Variants in ZNF558 observed in about 807,000 individuals in gnomAD.
The protein encoded by ZNF558 is zinc finger protein 558.
Under a neutral mutation model 37.6 loss-of-function variants are expected in ZNF558, and 23 were observed. The observed-to-expected ratio is 0.61, with a 90% CI of 0.44 to 0.87. ZNF558 has a LOEUF of 0.87. ZNF558 is among the 40% of genes least tolerant of loss of function. The pLI, the probability that ZNF558 is intolerant of heterozygous loss-of-function variation, is 0.00. For synonymous variants in ZNF558, 189 were observed against 174.4 expected (o/e 1.08, Z -0.66); for missense variants, 429 against 483.7 (o/e 0.89, Z 1.06).
At chr19:8,814,388 C>T (rs533246624) in intron 7 of ZNF558, among the ~76,000 whole-genome samples, 6 of 152,080 alleles carry the variant, frequency 3.9e-5, no homozygotes, top group South Asian at 2.1e-4. Flanking sequence ...CACACGTGAT[C>T]GACAGATGTA....
At chr19:8,830,522 T>C (rs1163369509) in intron 2 of ZNF558, among the ~76,000 whole-genome samples, 1 of 152,198 alleles carries the variant, frequency 6.6e-6, no homozygotes, top group Non-Finnish European at 1.5e-5. Context: ...AATTTTAAAT[T>C]TGTTACTAAT....
rs1555766571 is a variant in ZNF558, at chr19:8,808,401, G to T, written c.*2880C>A. 7.6e-5 allele frequency: 3 copies of T among 39,434 alleles called. No homozygotes were observed. In the African/African-American group the frequency reaches 8.0e-4, roughly 11 times the overall value. 2.4% of individuals were successfully genotyped at this position (39,434 alleles called of 1,614,324 possible). A position where few individuals can be genotyped will look rare whatever the true frequency, so the allele number is the denominator to read the frequency against. ...AAAAATATCATCTCCACATAAAAAG[G>T]AATACAGAATACCTAATCCTGTATG... On this transcript the variant is annotated 3_prime_UTR_variant, in exon 10 of 10. Transcript: ENST00000601372.
chr19:8,817,875 T>A (rs969458896), intron 7 of ZNF558, among the ~76,000 whole-genome samples: 1 of 152,158 alleles, frequency 6.6e-6, no homozygotes, highest in African/African-American at 2.4e-5. Flanking sequence ...TATAGAGTGT[T>A]CTATAATAAT....
chr19:8,826,761 G>A (rs558622311), intron 2 of ZNF558, among the ~76,000 whole-genome samples: 4 of 152,196 alleles, frequency 2.6e-5, no homozygotes, highest in Non-Finnish European at 5.9e-5. Flanking sequence ...CTCCAGCAAG[G>A]CAAGAGGATA....
chr19:8,836,965 G>A (rs1044929987), upstream of ZNF558, among the ~76,000 whole-genome samples: 12 of 152,100 alleles, frequency 7.9e-5, no homozygotes, highest in Non-Finnish European at 1.8e-4. Context: ...AAAGACAAAG[G>A]CTATGAACCA....
intron 6 of ZNF558, 147 bp downstream of exon 6, chr19:8,821,856 G>T: frequency 6.7e-7 from 1 of 1,495,440 alleles, no homozygotes; most frequent in Non-Finnish European, 8.9e-7. Context: ...CATTTTCTGG[G>T]CAGCCCTCAC....
At position 8,822,426 on chromosome 19, in the gene ZNF558, T is replaced by G. The variant is rs928394242; in HGVS notation, c.31+203A>C. Among the ~76,000 whole-genome samples the G allele has an allele frequency of 1.3e-5, 2 of 152,090 alleles. No individual in the cohort carries two copies. Among genetic ancestry groups the G allele is most frequent in the Admixed American group, 6.5e-5 (1 of 15,268 alleles). On this transcript the variant is annotated intron_variant, in intron 5 of 9. Transcript: ENST00000601372. The surrounding 1 kb of genome is among the most constrained non-coding windows in gnomAD (Gnocchi z 4.4). Reference sequence around the variant, plus strand: ...GGAGAATTCAAAAGCTCCAGCACATTCACCACACAGGTGACATCCACAGAC... The same window carrying G: ...GGAGAATTCAAAAGCTCCAGCACATGCACCACACAGGTGACATCCACAGAC...
intron 7 of ZNF558, among the ~76,000 whole-genome samples, chr19:8,819,681 T>C (rs1200327492): frequency 1.3e-5 from 2 of 152,158 alleles, no homozygotes; most frequent in East Asian, 3.9e-4. Flanking sequence ...CTCACACTTG[T>C]AATGCCAGCA....
chr19:8,831,040 C>T (rs956481483), intron 2 of ZNF558: 1 of 152,184 alleles, frequency 6.6e-6, no homozygotes, highest in African/African-American at 2.4e-5. Context: ...TTTAGCATTA[C>T]GGCATACCAG....
At chr19:8,828,488 A>C (rs2044280945) in intron 2 of ZNF558, among the ~76,000 whole-genome samples, 1 of 152,194 alleles carries the variant, frequency 6.6e-6, no homozygotes, top group African/African-American at 2.4e-5. Context: ...TAAATTTTTA[A>C]ACAAAGCTTC....
At chr19:8,816,051 C>A (rs1171926148) in intron 7 of ZNF558, among the ~76,000 whole-genome samples, 2 of 77,676 alleles carry the variant, frequency 2.6e-5, no homozygotes, top group Non-Finnish European at 5.6e-5. Flanking sequence ...GAGATTCATA[C>A]TGAAACACAC....
rs147518358 is a variant in ZNF558 at position 8,812,050 on chromosome 19, C to T, written c.440G>A (p.Arg147His). ...SKGVKTERSHRGVKLNECNQC... is the reference protein window; with the variant it reads ...SKGVKTERSHHGVKLNECNQC... The stretch of plus-strand genomic sequence containing the variant: ...ATTACATTCATTGAGTTTCACTCCA[C>T]GATGACTTCTTTCCTGTGGATTAAG... The change falls in exon 10 of 10, where the codon CGT becomes CAT. Residue 147 changes from arginine to histidine, a missense_variant. Transcript: ENST00000601372. The T allele has an allele frequency of 1.1e-4, 180 of 1,585,238 alleles. No homozygotes were observed. The highest frequency in any genetic ancestry group is 1.8e-4 in the African/African-American group (13 of 73,966).
At chr19:8,837,794 G>A in the ZNF558 span, among the ~76,000 whole-genome samples, 1 of 152,116 alleles carries the variant, frequency 6.6e-6, no homozygotes, top group Admixed American at 6.5e-5. Flanking sequence ...ACCAGATGAC[G>A]CATAAAATAA....
At position 8,806,968 on chromosome 19, in the gene ZNF558, A is replaced by G. The variant is rs1156582322; in HGVS notation, c.*4313T>C. ...ATTTGCAGTTTGTCTCTCATTTTCT[A>G]TGGTTTGTCCATGTTTCCTCCATTT... On this transcript the variant is annotated 3_prime_UTR_variant, in exon 10 of 10. Transcript: ENST00000601372. The G allele has an allele frequency of 6.6e-6, 1 of 152,094 alleles. No homozygotes were observed. Among genetic ancestry groups the G allele is most frequent in the Non-Finnish European group, 1.5e-5 (1 of 68,012 alleles). 9.4% of individuals were successfully genotyped at this position (152,094 alleles called of 1,614,324 possible). A position where few individuals can be genotyped will look rare whatever the true frequency, so the allele number is the denominator to read the frequency against.
chr19:8,816,514 ACATT>A (rs2043944361), intron 7 of ZNF558, among the ~76,000 whole-genome samples: 1 of 152,226 alleles, frequency 6.6e-6, no homozygotes, highest in South Asian at 2.1e-4. Flanking sequence ...CTGGAGTGGT[ACATT>A]CAAAGAGCTG....
chr19:8,810,607 T>C lies in ZNF558; in HGVS notation c.*674A>G, dbSNP rs2043760686. The C allele has an allele frequency of 6.6e-6, 1 of 152,242 alleles. No homozygotes were observed. The highest frequency in any genetic ancestry group is 1.9e-4 in the East Asian group (1 of 5,200). The allele number at this position is 152,242 out of a possible 1,614,324, so 9.4% of individuals were successfully genotyped here. ...AATTAATAGGAGTTACTGAATGCTA[T>C]TTCATATTGATTAGAGTAGAAGGAT... is the stretch of plus-strand genomic sequence containing the variant. On this transcript the variant is annotated 3_prime_UTR_variant, in exon 10 of 10. Coordinates refer to ENST00000601372, the MANE Select transcript of ZNF558 (RefSeq NM_144693.3).
At chr19:8,833,643 A>C (rs2044414773), upstream of ZNF558, 1 of 152,286 alleles carries the variant, frequency 6.6e-6, no homozygotes, top group Non-Finnish European at 1.5e-5. Flanking sequence ...GGCAGGAGAA[A>C]TGGACAGTGA....
intron 2 of ZNF558, among the ~76,000 whole-genome samples, chr19:8,826,322 C>T (rs933749566): frequency 6.6e-6 from 1 of 151,974 alleles, no homozygotes; most frequent in African/African-American, 2.4e-5. Context: ...CACTTTATTT[C>T]TATTATATTA....
At chr19:8,820,856 A>G (rs1599274035) in intron 7 of ZNF558, among the ~76,000 whole-genome samples, 2 of 152,230 alleles carry the variant, frequency 1.3e-5, no homozygotes, top group East Asian at 3.9e-4. Context: ...CATTTATATG[A>G]TATGTTCTGG....
Sources: gnomAD v4.1 joint callset for allele counts (sites outside exome capture counted in the v4.1 genomes callset) on GRCh38, gnomAD v4.1.1 for gene constraint, Gnocchi (gnomAD v3.1) non-coding constraint, MANE v1.5 for transcripts, NCBI Gene and HGNC (gene_info 2026-07-23, HGNC 2026-07-21) for gene names.